Variants in GRIA4 observed in about 807,000 individuals in gnomAD.
GRIA4 encodes the protein glutamate ionotropic receptor AMPA type subunit 4.
A neutral mutation model predicts 104.0 loss-of-function variants in GRIA4; 34 were observed. The observed-to-expected ratio is 0.33, with a 90% CI of 0.25 to 0.44. GRIA4 has a LOEUF of 0.44. GRIA4 is among the 20% of genes least tolerant of loss of function. The pLI, the probability that GRIA4 is intolerant of heterozygous loss-of-function variation, is 1.00. For missense variants in GRIA4, 750 were observed against 1,096.5 expected, an observed-to-expected ratio of 0.68 and a Z score of 4.46; for synonymous variants, 386 against 381.9, an observed-to-expected ratio of 1.01 and a Z score of -0.13.
intron 3 of GRIA4, among the ~76,000 whole-genome samples, chr11:105,639,842 T>C (rs934715123): frequency 6.6e-6 from 1 of 151,970 alleles, no homozygotes; most frequent in Admixed American, 6.6e-5. Flanking sequence ...TAGTAACAAA[T>C]CATAAACTTT....
intron 7 of GRIA4, among the ~76,000 whole-genome samples, chr11:105,902,670 T>TTCAAA (rs1170011847): frequency 6.6e-6 from 1 of 152,156 alleles, no homozygotes; most frequent in Non-Finnish European, 1.5e-5. Flanking sequence ...TTTCAAATGA[T>TTCAAA]TTTTCTTCAT....
At chr11:105,763,240 GA>G (rs1424765594) in intron 4 of GRIA4, among the ~76,000 whole-genome samples, 1 of 152,112 alleles carries the variant, frequency 6.6e-6, no homozygotes, top group Non-Finnish European at 1.5e-5. Context: ...GCAAGGAGGT[GA>G]AAAAGTTAAT....
chr11:105,748,775 G>C (rs991027924), intron 3 of GRIA4, among the ~76,000 whole-genome samples: 17 of 152,262 alleles, frequency 1.1e-4, no homozygotes, highest in African/African-American at 4.1e-4. Flanking sequence ...TTCTGAATGG[G>C]GAAGTAGCAA....
At chr11:105,775,508 C>T (rs534840051) in intron 4 of GRIA4, among the ~76,000 whole-genome samples, 1 of 151,740 alleles carries the variant, frequency 6.6e-6, no homozygotes, top group African/African-American at 2.4e-5. Context: ...CAAAAATAGG[C>T]CTGAAAAAAT....
At chr11:105,700,188 A>C (rs1228478843) in intron 3 of GRIA4, among the ~76,000 whole-genome samples, 1 of 152,234 alleles carries the variant, frequency 6.6e-6, no homozygotes, top group African/African-American at 2.4e-5. Context: ...CTCACATTGC[A>C]GAAACATTTT....
chr11:105,949,708 G>A lies in GRIA4; in HGVS notation c.2294+15739G>A, dbSNP rs544460957. Among the ~76,000 whole-genome samples, 8 of 152,284 alleles carry A rather than the reference G, an allele frequency of 5.3e-5. No homozygotes were observed. The East Asian group carries it at 1.5e-3, about 29-fold the overall frequency. The stretch of plus-strand genomic sequence containing the variant: ...GTGAGTGATTACTGGAAAATGTTAA[G>A]AAATTCAGAAAGGCTAAGAGAAGGG... On this transcript the variant is annotated intron_variant, in intron 14 of 16. Transcript: ENST00000282499.
chr11:105,830,970 G>A (rs890799610), intron 4 of GRIA4, among the ~76,000 whole-genome samples: 8 of 148,656 alleles, frequency 5.4e-5, no homozygotes, highest in South Asian at 2.1e-4. Context: ...ATACACACAC[G>A]CACACACACA....
chr11:105,692,390 T>C (rs986526232), intron 3 of GRIA4, among the ~76,000 whole-genome samples: 4 of 152,198 alleles, frequency 2.6e-5, no homozygotes, highest in Non-Finnish European at 1.5e-5. Flanking sequence ...GGAGATATGT[T>C]ATATGAACTG....
At chr11:105,837,080 A>T (rs201737604) in intron 4 of GRIA4, among the ~76,000 whole-genome samples, 1 of 70,856 alleles carries the variant, frequency 1.4e-5, no homozygotes, top group Non-Finnish European at 3.7e-5. Context: ...ATGGCGGGCA[A>T]GAGAGAGGAG....
At chr11:105,812,821 C>A (rs915950707) in intron 4 of GRIA4, among the ~76,000 whole-genome samples, 1 of 151,994 alleles carries the variant, frequency 6.6e-6, no homozygotes, top group African/African-American at 2.4e-5. Flanking sequence ...AAGAAATTGG[C>A]CTAGCATGGT....
intron 3 of GRIA4, among the ~76,000 whole-genome samples, chr11:105,733,146 G>C (rs1321647350): frequency 1.3e-5 from 2 of 152,108 alleles, no homozygotes; most frequent in Non-Finnish European, 2.9e-5. Flanking sequence ...TATTTTGAAA[G>C]ACTTAATACA....
At chr11:105,631,019 A>C (rs893396834) in intron 3 of GRIA4, among the ~76,000 whole-genome samples, 4 of 152,188 alleles carry the variant, frequency 2.6e-5, no homozygotes, top group African/African-American at 4.8e-5. Context: ...TAAACCCCAA[A>C]GATTCTTTCT....
intron 4 of GRIA4, among the ~76,000 whole-genome samples, chr11:105,760,865 C>A (rs933581043): frequency 3.3e-5 from 5 of 151,458 alleles, no homozygotes; most frequent in Admixed American, 1.3e-4. Flanking sequence ...TTTTCATGTT[C>A]GAGTACATGG....
chr11:105,730,706 T>C (rs987246288), intron 3 of GRIA4, among the ~76,000 whole-genome samples: 1 of 150,844 alleles, frequency 6.6e-6, no homozygotes, highest in Non-Finnish European at 1.5e-5. Context: ...CAGAACGGAG[T>C]CCTCAGAAAT....
intron 3 of GRIA4, among the ~76,000 whole-genome samples, chr11:105,674,561 A>G (rs1952476556): frequency 1.3e-5 from 2 of 151,928 alleles, no homozygotes. Context: ...ATTAATTACT[A>G]TGTAGTTGGA....
chr11:105,681,935 A>C (rs1952722792), intron 3 of GRIA4, among the ~76,000 whole-genome samples: 1 of 151,992 alleles, frequency 6.6e-6, no homozygotes, highest in African/African-American at 2.4e-5. Context: ...CCAGCTCCTC[A>C]GGAGGCTGAA....
At chr11:105,724,419 A>ACC (rs1161341265) in intron 3 of GRIA4, among the ~76,000 whole-genome samples, 1 of 150,996 alleles carries the variant, frequency 6.6e-6, no homozygotes, top group East Asian at 1.9e-4. Context: ...GCACACAAAC[A>ACC]CACACACATT....
intron 4 of GRIA4, among the ~76,000 whole-genome samples, chr11:105,829,484 A>T (rs1337190215): frequency 6.6e-6 from 1 of 152,006 alleles, no homozygotes; most frequent in Non-Finnish European, 1.5e-5. Context: ...AGTGGCAAGG[A>T]CTGCTAGCTT....
chr11:105,781,152 T>G (rs1019695281), intron 4 of GRIA4, among the ~76,000 whole-genome samples: 1 of 152,230 alleles, frequency 6.6e-6, no homozygotes. Context: ...TACAGGAACT[T>G]GAAAATTTGC....
Sources: allele counts gnomAD v4.1 joint callset (sites outside exome capture counted in the v4.1 genomes callset), GRCh38; gene constraint gnomAD v4.1.1; transcripts MANE v1.5; gene names NCBI Gene and HGNC (gene_info 2026-07-23, HGNC 2026-07-21).